Variants in SLC9B2 observed in about 807,000 individuals in gnomAD.
The protein encoded by SLC9B2 is sodium/hydrogen exchanger 9B2.
Under a neutral mutation model 52.2 loss-of-function variants are expected in SLC9B2, and 39 were observed. That is an observed-to-expected ratio of 0.75 (90% CI 0.58 to 0.98). SLC9B2 has a LOEUF of 0.98. Ranked by LOEUF, SLC9B2 falls within the 50% of genes least tolerant of loss-of-function variation. The pLI is 0.00. For synonymous variants in SLC9B2, 214 were observed against 227.0 expected (o/e 0.94, Z 0.51); for missense variants, 626 against 637.5 (o/e 0.98, Z 0.19).
At chr4:103,057,273 T>TATACACAC (rs1220375909) in intron 4 of SLC9B2, among the ~76,000 whole-genome samples, 68 of 143,278 alleles carry the variant, frequency 4.7e-4, no homozygotes, top group African/African-American at 1.8e-3. Context: ...TATATATATA[T>TATACACAC]ACACACACAC....
downstream of SLC9B2, among the ~76,000 whole-genome samples, chr4:103,019,146 G>A (rs1371385270): frequency 1.3e-5 from 2 of 152,090 alleles, no homozygotes; most frequent in Non-Finnish European, 2.9e-5. Flanking sequence ...AGGATTAAGG[G>A]GCGTGGATGT....
downstream of SLC9B2, chr4:103,019,637 GC>G (rs1741647849): frequency 2.0e-6 from 2 of 985,328 alleles, no homozygotes; most frequent in Non-Finnish European, 2.4e-6. Context: ...CCCGGGAGCG[GC>G]CCAGGAGCCC....
intron 4 of SLC9B2, among the ~76,000 whole-genome samples, chr4:103,055,351 C>G (rs192961966): frequency 0.015 from 2,248 of 152,126 alleles, 35 homozygotes; most frequent in Non-Finnish European, 0.023. Context: ...AACTAACCTG[C>G]ACGTTGTGCA....
intron 2 of SLC9B2, among the ~76,000 whole-genome samples, 167 bp downstream of exon 2, chr4:103,067,294 T>C (rs867550410): frequency 1.3e-5 from 2 of 152,198 alleles, no homozygotes; most frequent in Non-Finnish European, 2.9e-5. Context: ...AAGCGTTTCA[T>C]AGGCTCTCCA....
downstream of SLC9B2, among the ~76,000 whole-genome samples, chr4:103,020,910 G>C (rs182105941): frequency 6.6e-6 from 1 of 152,244 alleles, no homozygotes; most frequent in Admixed American, 6.5e-5. Flanking sequence ...TTACAAGCGT[G>C]AGCCACCACA....
chr4:103,062,596 C>T (rs1345210310), intron 3 of SLC9B2, among the ~76,000 whole-genome samples: 1 of 152,228 alleles, frequency 6.6e-6, no homozygotes, highest in South Asian at 2.1e-4. Context: ...TGGAAAACCA[C>T]AAATTTTCAC....
At chr4:103,018,094 A>G (rs1385916903), downstream of SLC9B2, among the ~76,000 whole-genome samples, 1 of 152,232 alleles carries the variant, frequency 6.6e-6, no homozygotes, top group Admixed American at 6.5e-5. Flanking sequence ...ATTCAATCTC[A>G]GTGTTTAGTA....
intron 6 of SLC9B2, among the ~76,000 whole-genome samples, chr4:103,048,117 A>G (rs1188165892): frequency 6.6e-6 from 1 of 152,236 alleles, no homozygotes; most frequent in Non-Finnish European, 1.5e-5. Flanking sequence ...AGAAAACGAT[A>G]TGACAGTCAC....
chr4:103,020,867 A>G (rs1741741272), downstream of SLC9B2, among the ~76,000 whole-genome samples: 1 of 152,080 alleles, frequency 6.6e-6, no homozygotes, highest in Admixed American at 6.5e-5. Context: ...GACTTAAGTG[A>G]TCTGCCCGTC....
At chr4:103,061,944 T>TA (rs1349579737) in intron 3 of SLC9B2, among the ~76,000 whole-genome samples, 1 of 152,214 alleles carries the variant, frequency 6.6e-6, no homozygotes, top group African/African-American at 2.4e-5. Flanking sequence ...AGGCTTATGA[T>TA]ACTACTGCAG....
At chr4:103,027,690 A>T (rs1234235054) in intron 11 of SLC9B2, among the ~76,000 whole-genome samples, 1 of 151,990 alleles carries the variant, frequency 6.6e-6, no homozygotes, top group Non-Finnish European at 1.5e-5. Flanking sequence ...AACATGAATG[A>T]CCCCTTTCCC....
Position 103,047,076 on chromosome 4 carries a change from T to C in SLC9B2, c.864A>G (p.Thr288=), listed in dbSNP as rs112085768. 48 of 1,614,050 alleles carry C rather than the reference T, an allele frequency of 3.0e-5. No individual in the cohort carries two copies. The African/African-American group carries it at 4.4e-4, about 15-fold the overall frequency. Reference sequence around the variant, plus strand: ...CTGTGGAAAAGGCTATGCCCAAGCATGTGTTGAAGCCAGTGATGGCCAGAA... The same window carrying C: ...CTGTGGAAAAGGCTATGCCCAAGCACGTGTTGAAGCCAGTGATGGCCAGAA... ...DDILAITGFN[T]CLGIAFSTGS... The change falls in exon 7 of 12, where the codon ACA becomes ACG. Residue 288 remains threonine, a synonymous_variant. Transcript: ENST00000394785.
intron 3 of SLC9B2, among the ~76,000 whole-genome samples, chr4:103,060,071 C>G (rs75144901): frequency 0.011 from 1,718 of 151,820 alleles, 31 homozygotes; most frequent in African/African-American, 0.036. Context: ...GTTTTCCTTT[C>G]AGTATGATGT....
Position 103,076,727 on chromosome 4 carries a change from G to C in SLC9B2, c.-586C>G, listed in dbSNP as rs1747219979. The stretch of plus-strand genomic sequence containing the variant: ...AAGCTTCCCGGAAAGCTTACCCAGA[G>C]AGCGCGGACCCAGGCGCCGAGTCTT... On this transcript the variant is annotated 5_prime_UTR_variant, in exon 1 of 12. Transcript: ENST00000394785. 1 of 152,338 alleles carries C rather than the reference G, an allele frequency of 6.6e-6. No individual in the cohort carries two copies. Among genetic ancestry groups the C allele is most frequent in the South Asian group, 2.1e-4 (1 of 4,836 alleles). 9.4% of individuals were successfully genotyped at this position (152,338 alleles called of 1,614,324 possible).
rs1282186712 is a variant in SLC9B2 at position 103,024,362 on chromosome 4, C to A, written c.*2008G>T. Among the ~76,000 whole-genome samples the A allele has an allele frequency of 6.6e-6, 1 of 152,192 alleles. No homozygotes were observed. The highest frequency in any genetic ancestry group is 2.4e-5 in the African/African-American group (1 of 41,444). On this transcript the variant is annotated 3_prime_UTR_variant, in exon 12 of 12. Transcript: ENST00000394785. ...ATGAAGTTCAGTTCAAAACACTTATCTGACCTTTGGTATAAATTAATCAAG... is the reference window on the plus strand; with the variant it reads ...ATGAAGTTCAGTTCAAAACACTTATATGACCTTTGGTATAAATTAATCAAG...
In SLC9B2 at chr4:103,066,386, CTT is replaced by C. The variant is rs774429870; in HGVS notation, c.210_211del (p.Arg71ThrfsTer37). The stretch of plus-strand genomic sequence containing the variant: ...AGGGCAAGCCAGCATTTGTCTCAGT[CTT>C]TGTACGTGATTTGCTTCAGTTGGTG... On this transcript the variant is annotated frameshift_variant, in exon 3 of 12. Transcript: ENST00000394785. LOFTEE classifies it high-confidence loss of function. The C allele has an allele frequency of 6.2e-7, 1 of 1,614,082 alleles. No individual in the cohort carries two copies. Among genetic ancestry groups the C allele is most frequent in the South Asian group, 1.1e-5 (1 of 91,076 alleles).
intron 1 of SLC9B2, among the ~76,000 whole-genome samples, chr4:103,074,481 T>C (rs776806337): frequency 6.6e-6 from 1 of 152,216 alleles, no homozygotes; most frequent in Non-Finnish European, 1.5e-5. Context: ...TCTATCTTTC[T>C]AGCTTCTTGT....
At chr4:103,030,334 C>T (rs1467581377) in intron 10 of SLC9B2, among the ~76,000 whole-genome samples, 1 of 152,076 alleles carries the variant, frequency 6.6e-6, no homozygotes, top group Non-Finnish European at 1.5e-5. Flanking sequence ...TAAGGAAAGG[C>T]TCAAACAGCA....
At chr4:103,031,945 T>C (rs1477174815) in intron 9 of SLC9B2, 137 bp from the exon 10 acceptor site, 19 of 758,922 alleles carry the variant, frequency 2.5e-5, no homozygotes, top group Non-Finnish European at 3.2e-5. Context: ...AAAGGTTAGC[T>C]AGAACAGAGC....
Sources: gnomAD v4.1 joint callset for allele counts (sites outside exome capture counted in the v4.1 genomes callset) on GRCh38, gnomAD v4.1.1 for gene constraint, MANE v1.5 for transcripts, NCBI Gene and HGNC (gene_info 2026-07-23, HGNC 2026-07-21) for gene names.